The following EIF3L variants were observed in gnomAD, a reference collection of about 807,000 sequenced individuals.
EIF3L encodes the protein eIEF associated protein HSPC021.
In EIF3L, 32 loss-of-function variants were observed where a neutral mutation model predicts 74.6. That is an observed-to-expected ratio of 0.43 (90% CI 0.32 to 0.58). EIF3L has a LOEUF of 0.58. EIF3L is among the 20% of genes least tolerant of loss of function. The pLI is 0.06. For synonymous variants in EIF3L, 256 were observed against 254.4 expected (o/e 1.01, Z -0.06); for missense variants, 474 against 707.8 (o/e 0.67, Z 3.75).
chr22:37,861,065 C>A (rs960987259), intron 5 of EIF3L, among the ~76,000 whole-genome samples: 1 of 152,106 alleles, frequency 6.6e-6, no homozygotes. Flanking sequence ...TTAACTCCAC[C>A]GGGGTATGTG....
rs1224622577 is a variant in EIF3L, at chr22:37,888,931, G to C, written c.*467G>C. 6.4e-6 allele frequency: 1 copy of C among 155,138 alleles called. No homozygotes were observed. The highest frequency in any genetic ancestry group is 1.4e-5 in the Non-Finnish European group (1 of 70,140). The allele number at this position is 155,138 out of a possible 1,614,324, so 9.6% of individuals were successfully genotyped here. On this transcript the variant is annotated 3_prime_UTR_variant, in exon 13 of 13. Transcript: ENST00000652021. The stretch of plus-strand genomic sequence containing the variant: ...ATTTTTGTATTCTCAGTAGAGATGG[G>C]TTTTACCATGTTGGCCAGGCTGGTC...
chr22:37,867,284 G>A (rs1344317758), intron 7 of EIF3L, among the ~76,000 whole-genome samples: 1 of 152,076 alleles, frequency 6.6e-6, no homozygotes, highest in East Asian at 1.9e-4. Flanking sequence ...GATTACAGGC[G>A]TGAGCCACCA....
At chr22:37,869,931 C>T (rs1209914512) in intron 7 of EIF3L, among the ~76,000 whole-genome samples, 1 of 152,154 alleles carries the variant, frequency 6.6e-6, no homozygotes, top group Admixed American at 6.6e-5. Flanking sequence ...CCACAGACTA[C>T]CTCTAATCCT....
At chr22:37,854,878 C>T (rs986363972) in intron 3 of EIF3L, among the ~76,000 whole-genome samples, 7 of 152,006 alleles carry the variant, frequency 4.6e-5, no homozygotes, top group Non-Finnish European at 8.8e-5. Context: ...TGGGTTCAAG[C>T]GATACCCCTA....
intron 5 of EIF3L, among the ~76,000 whole-genome samples, chr22:37,859,420 C>T (rs142111956): frequency 4.8e-4 from 60 of 124,730 alleles, no homozygotes; most frequent in Middle Eastern, 0.013. Flanking sequence ...CTCGCTCTGT[C>T]GCCCAGGCTG....
At position 37,864,778 on chromosome 22, in the gene EIF3L, A is replaced by G. The variant is rs573732814; in HGVS notation, c.579+1433A>G. Among the ~76,000 whole-genome samples the G allele has an allele frequency of 5.2e-4, 79 of 152,206 alleles. No homozygotes were observed. In the South Asian group the frequency reaches 0.016, roughly 31 times the overall value. On this transcript the variant is annotated intron_variant, in intron 7 of 12. Transcript: ENST00000652021. ...GGTCTCGAACTCCCAACTTCAGGTG[A>G]TCCGCCCTCCTTGGCCTCCCAAAGT... is the stretch of plus-strand genomic sequence containing the variant.
At position 37,874,382 on chromosome 22, in the gene EIF3L, G is replaced by T. The variant is rs1926635522; in HGVS notation, c.764G>T (p.Ser255Ile). Reference protein sequence around the residue: ...EVYTSGGDPESVAGEYGRHSL... With the variant: ...EVYTSGGDPEIVAGEYGRHSL... Reference sequence around the variant, plus strand: ...CTGTCTCTTTCAGGTGACCCTGAGAGTGTGGCTGGGGAGTATGGGCGGCAC... The same window carrying T: ...CTGTCTCTTTCAGGTGACCCTGAGATTGTGGCTGGGGAGTATGGGCGGCAC... The change falls in exon 9 of 13, where the codon AGT becomes ATT. Residue 255 changes from serine (S) to isoleucine (I), a missense_variant. By Grantham distance (142) the Ser-to-Ile change is moderately radical. Around this residue, in one of 4 missense-constraint regions of EIF3L, gnomAD observed 293 missense variants for 469.1 expected, o/e 0.62. Transcript: ENST00000652021. The T allele has an allele frequency of 6.2e-7, 1 of 1,613,976 alleles. No homozygotes were observed. The highest frequency in any genetic ancestry group is 8.5e-7 in the Non-Finnish European group (1 of 1,179,986).
At chr22:37,888,363 CACACTG>C in intron 12 of EIF3L, 57 bp from the exon 13 acceptor site, 1 of 1,571,676 alleles carries the variant, frequency 6.4e-7, no homozygotes, top group Non-Finnish European at 8.7e-7. Context: ...AGTGATCATA[CACACTG>C]TAGGAAAGGG....
chr22:37,855,965 A>G (rs1601754923), intron 4 of EIF3L, among the ~76,000 whole-genome samples: 1 of 152,066 alleles, frequency 6.6e-6, no homozygotes, highest in African/African-American at 2.4e-5. Flanking sequence ...TGTCCTTTAT[A>G]TATGGGTGAG....
chr22:37,851,851 A>G (rs1349252073), intron 3 of EIF3L, among the ~76,000 whole-genome samples: 1 of 152,070 alleles, frequency 6.6e-6, no homozygotes, highest in Non-Finnish European at 1.5e-5. Flanking sequence ...TATTTTTAGT[A>G]GAGACAGAAT....
chr22:37,856,787 T>C (rs1406519363), intron 4 of EIF3L, among the ~76,000 whole-genome samples: 1 of 149,172 alleles, frequency 6.7e-6, no homozygotes, highest in Non-Finnish European at 1.5e-5. Context: ...GAGGTTGCGG[T>C]GAGCCGAGAT....
chr22:37,857,935 T>G (rs1925621833), intron 4 of EIF3L, among the ~76,000 whole-genome samples: 1 of 152,072 alleles, frequency 6.6e-6, no homozygotes, highest in African/African-American at 2.4e-5. Flanking sequence ...TTTGGGAAGC[T>G]GAGGTGGGAG....
Position 37,851,397 on chromosome 22 carries a change from T to C in EIF3L, c.200T>C (p.Ile67Thr). The change falls in exon 3 of 13, where the codon ATT becomes ACT. Residue 67 changes from isoleucine to threonine, a missense_variant. By Grantham distance (89) the Ile-to-Thr change is moderately conservative (BLOSUM62 -1). Around this residue, in one of 4 missense-constraint regions of EIF3L, gnomAD observed 141 missense variants for 197.7 expected, o/e 0.71. Transcript: ENST00000652021. ...QYFHKTVSDL[I>T]DQKVYELQAS... ...TTCCACAAAACTGTCTCAGATTTGATTGACCAGAAAGTGTATGAGCTACAG... is the reference window on the plus strand; with the variant it reads ...TTCCACAAAACTGTCTCAGATTTGACTGACCAGAAAGTGTATGAGCTACAG... 6.2e-7 allele frequency: 1 copy of C among 1,614,070 alleles called. No homozygotes were observed.
chr22:37,878,495 C>T (rs1327131019), intron 11 of EIF3L: 1 of 187,530 alleles, frequency 5.3e-6, no homozygotes, highest in Non-Finnish European at 1.1e-5. Flanking sequence ...TGGAATTTCG[C>T]TCTCGTTGCC....
In EIF3L at chr22:37,851,335, G is replaced by T. The variant is rs748495579; in HGVS notation, c.138G>T (p.Gln46His). The T allele has an allele frequency of 6.2e-7, 1 of 1,614,170 alleles. No individual in the cohort carries two copies. Among genetic ancestry groups the T allele is most frequent in the Admixed American group, 1.7e-5 (1 of 60,008 alleles). The change falls in exon 3 of 13, where the codon CAG becomes CAT. Residue 46 changes from glutamine (Q) to histidine (H), a missense_variant. Coordinates refer to ENST00000652021, the MANE Select transcript of EIF3L (RefSeq NM_016091.4). ...GTCAGTATGAACAGCAAACCTATCA[G>T]GTGATCCCTGAGGTGATCAAAAACT... The part of the protein sequence containing the change: ...YERQYEQQTY[Q>H]VIPEVIKNFI...
chr22:37,850,938 A>G (rs1222877237), intron 2 of EIF3L, among the ~76,000 whole-genome samples: 1 of 152,222 alleles, frequency 6.6e-6, no homozygotes, highest in Non-Finnish European at 1.5e-5. Flanking sequence ...AGTACCTGTT[A>G]CCACTTACTT....
chr22:37,870,164 C>G lies in EIF3L; in HGVS notation c.580-12C>G. The G allele has an allele frequency of 2.5e-6, 4 of 1,582,456 alleles. No individual in the cohort carries two copies. The highest frequency in any genetic ancestry group is 3.4e-6 in the Non-Finnish European group (4 of 1,163,118). On this transcript the variant is annotated splice_polypyrimidine_tract_variant and intron_variant, in intron 7 of 12. Transcript: ENST00000652021. ...TATACCACTACTGCATGTTTCTTTTCTTCCTCAACAGTTTCAGTCATTCAG... is the reference window on the plus strand; with the variant it reads ...TATACCACTACTGCATGTTTCTTTTGTTCCTCAACAGTTTCAGTCATTCAG...
At chr22:37,882,702 A>G (rs1927112045) in intron 11 of EIF3L, 1 of 150,848 alleles carries the variant, frequency 6.6e-6, no homozygotes, top group Admixed American at 6.6e-5. Context: ...CATAATTTTT[A>G]TACATAATTT....
At chr22:37,886,426 A>C (rs1024401897) in intron 11 of EIF3L, 2 of 169,282 alleles carry the variant, frequency 1.2e-5, no homozygotes, top group Middle Eastern at 2.8e-3. Flanking sequence ...AAAATTAGCC[A>C]GGCAAGATGG....
Sources: gnomAD v4.1 joint callset for allele counts (sites outside exome capture counted in the v4.1 genomes callset) on GRCh38, gnomAD v4.1.1 for gene constraint, gnomAD v4.1.1 regional missense constraint, MANE v1.5 for transcripts, NCBI Gene and HGNC (gene_info 2026-07-23, HGNC 2026-07-21) for gene names.